Variants in SSPN observed in about 807,000 individuals in gnomAD.
The protein encoded by SSPN is sarcospan.
A neutral mutation model predicts 19.1 loss-of-function variants in SSPN; 15 were observed. The observed-to-expected ratio is 0.78, with a 90% CI of 0.52 to 1.21. SSPN has a LOEUF of 1.21. SSPN is among the 50% of genes most tolerant of loss of function. The probability of loss-of-function intolerance (pLI) is 0.00; values close to 1 mark genes in which losing one functional copy is unlikely to be tolerated. For synonymous variants in SSPN, 147 were observed against 140.3 expected (o/e 1.05, Z -0.34); for missense variants, 291 against 314.0 (o/e 0.93, Z 0.55).
chr12:26,131,355 A>C (rs1026129225), intron 1 of SSPN, among the ~76,000 whole-genome samples: 1 of 152,198 alleles, frequency 6.6e-6, no homozygotes, highest in African/African-American at 2.4e-5. Flanking sequence ...TTTCAGCTGC[A>C]TGTTTTCTTG....
At chr12:26,189,086 A>G (rs2137449654) in intron 1 of SSPN, among the ~76,000 whole-genome samples, 1 of 152,198 alleles carries the variant, frequency 6.6e-6, no homozygotes, top group East Asian at 1.9e-4. Flanking sequence ...AGAAATTCTA[A>G]CTTCACATGG....
At chr12:26,177,690 C>CT (rs1944693025) in intron 1 of SSPN, among the ~76,000 whole-genome samples, 1 of 152,158 alleles carries the variant, frequency 6.6e-6, no homozygotes. Flanking sequence ...ATCCTAGAAA[C>CT]TGGGAACTAG....
intron 1 of SSPN, among the ~76,000 whole-genome samples, chr12:26,176,600 CT>C (rs539709096): frequency 4.3e-4 from 65 of 152,260 alleles, no homozygotes; most frequent in Middle Eastern, 6.8e-3. Flanking sequence ...CAAAAATCTT[CT>C]CCCTTATTTC....
intron 1 of SSPN, chr12:26,124,740 G>T (rs778843186): frequency 6.2e-7 from 1 of 1,614,206 alleles, no homozygotes; most frequent in South Asian, 1.1e-5. Flanking sequence ...CTATGTTCCA[G>T]TAACTGTCTC....
chr12:26,213,251 A>G (rs1945010877), intron 1 of SSPN, among the ~76,000 whole-genome samples: 1 of 148,510 alleles, frequency 6.7e-6, no homozygotes, highest in African/African-American at 2.5e-5. Context: ...TAGATTATAT[A>G]TAGGTTTGTA....
At chr12:26,205,388 A>T (rs1354255329) in intron 1 of SSPN, among the ~76,000 whole-genome samples, 1 of 152,164 alleles carries the variant, frequency 6.6e-6, no homozygotes, top group Non-Finnish European at 1.5e-5. Flanking sequence ...CTAATGTGTT[A>T]ACTAGACTTT....
At chr12:26,192,821 A>G (rs1405926222), upstream of SSPN, among the ~76,000 whole-genome samples, 1 of 152,240 alleles carries the variant, frequency 6.6e-6, no homozygotes, top group Non-Finnish European at 1.5e-5. Context: ...AGCTTTTTTA[A>G]AAAGTATATA....
intron 2 of SSPN, among the ~76,000 whole-genome samples, chr12:26,226,590 G>A (rs987257275): frequency 2.0e-5 from 3 of 152,068 alleles, no homozygotes; most frequent in African/African-American, 7.2e-5. Context: ...CCACCAGCGC[G>A]TTCCTTTTTC....
intron 1 of SSPN, among the ~76,000 whole-genome samples, chr12:26,184,386 A>G (rs1944738884): frequency 1.3e-5 from 2 of 152,266 alleles, no homozygotes; most frequent in Admixed American, 6.5e-5. Context: ...AAACAATTAC[A>G]GAATCCAAAA....
upstream of SSPN, among the ~76,000 whole-genome samples, chr12:26,190,405 A>G (rs1484359724): frequency 6.6e-6 from 1 of 152,240 alleles, no homozygotes; most frequent in Admixed American, 6.5e-5. Flanking sequence ...AAGATGCATT[A>G]GCCGCCTGGG....
chr12:26,145,378 G>A (rs1301742283), intron 1 of SSPN, among the ~76,000 whole-genome samples: 2 of 152,198 alleles, frequency 1.3e-5, no homozygotes, highest in Admixed American at 1.3e-4. Context: ...TGTCCTGGGA[G>A]GGCTGGTGAG....
chr12:26,167,666 C>T (rs1039744544), intron 1 of SSPN, among the ~76,000 whole-genome samples: 5 of 152,238 alleles, frequency 3.3e-5, no homozygotes, highest in South Asian at 2.1e-4. Flanking sequence ...AACTCTCTCT[C>T]TCTCTGAAGA....
At chr12:26,123,285 T>G in intron 1 of SSPN, 2 of 1,322,382 alleles carry the variant, frequency 1.5e-6, no homozygotes, top group Non-Finnish European at 2.0e-6. Flanking sequence ...TGATCTCGGT[T>G]TTTCCCCAGT....
rs377287516 is a variant in SSPN at position 26,140,124 on chromosome 12, C to T, written c.-31+17972C>T. ...AAATTCAACTTCCTACCTGATAACTCCTTTTGGATTTCATGTAGTTATTTC... is the reference window on the plus strand; with the variant it reads ...AAATTCAACTTCCTACCTGATAACTTCTTTTGGATTTCATGTAGTTATTTC... On this transcript the variant is annotated intron_variant, in intron 1 of 2. Transcript: ENST00000538142. 4.3e-4 allele frequency among the ~76,000 whole-genome samples: 66 copies of T among 152,272 alleles called. No individual in the cohort carries two copies. The South Asian group carries it at 0.013, about 30-fold the overall frequency.
At chr12:26,226,709 C>T (rs549419502) in intron 2 of SSPN, among the ~76,000 whole-genome samples, 13 of 152,242 alleles carry the variant, frequency 8.5e-5, no homozygotes, top group African/African-American at 3.1e-4. Flanking sequence ...CCTGGAGGTT[C>T]GGAAACGTGT....
At chr12:26,199,973 T>C (rs1465683930) in intron 1 of SSPN, among the ~76,000 whole-genome samples, 5 of 152,246 alleles carry the variant, frequency 3.3e-5, no homozygotes, top group African/African-American at 1.2e-4. Context: ...GTATTCCACT[T>C]GCAGTGATTT....
chr12:26,156,546 G>A (rs934604218), intron 1 of SSPN, among the ~76,000 whole-genome samples: 1 of 152,192 alleles, frequency 6.6e-6, no homozygotes, highest in Non-Finnish European at 1.5e-5. Flanking sequence ...CAAAGCAACC[G>A]AGTAGCTCAG....
chr12:26,122,210 C>A, intron 1 of SSPN: 1 of 1,338,936 alleles, frequency 7.5e-7, no homozygotes. Context: ...CCACCTCGTG[C>A]GGCAGGAGGG....
At chr12:26,186,022 G>A (rs189123281) in intron 1 of SSPN, among the ~76,000 whole-genome samples, 54 of 152,278 alleles carry the variant, frequency 3.5e-4, no homozygotes, top group African/African-American at 1.2e-3. Context: ...AGAATGCTTT[G>A]TAAGCAGTCT....
Sources: gnomAD v4.1 joint callset for allele counts (sites outside exome capture counted in the v4.1 genomes callset) on GRCh38, gnomAD v4.1.1 for gene constraint, MANE v1.5 for transcripts, NCBI Gene and HGNC (gene_info 2026-07-23, HGNC 2026-07-21) for gene names.